The following COL4A2 variants were observed in gnomAD, a reference collection of about 807,000 sequenced individuals.
COL4A2 encodes the protein collagen alpha-2(IV) chain.
Under a neutral mutation model 200.2 loss-of-function variants are expected in COL4A2, and 99 were observed. The ratio of observed to expected loss-of-function variants is 0.49; its 90% CI spans 0.42 to 0.58. COL4A2 has a LOEUF of 0.58. Ranked by LOEUF, COL4A2 falls within the 20% of genes least tolerant of loss-of-function variation. COL4A2 has a pLI of 0.00. For synonymous variants in COL4A2, 897 were observed against 900.6 expected, an observed-to-expected ratio of 1.00 and a Z score of 0.07; for missense variants, 1,950 against 2,314.1, an observed-to-expected ratio of 0.84 and a Z score of 3.23.
chr13:110,431,134 C>T lies in COL4A2; in HGVS notation c.648+527C>T, dbSNP rs190917375. 4.5e-4 allele frequency among the ~76,000 whole-genome samples: 69 copies of T among 152,234 alleles called. 1 individual carries two copies. The highest frequency in any genetic ancestry group is 1.1e-3 in the Admixed American group (17 of 15,296). On this transcript the variant is annotated intron_variant, in intron 10 of 47. Coordinates refer to ENST00000360467, the MANE Select transcript of COL4A2 (RefSeq NM_001846.4). ...TTGTGTAGCTCTCTGGCCACTCCCA[C>T]CACTGCACAATGAGCTGGAAGGTGG...
intron 11 of COL4A2, 40 bp downstream of exon 11, chr13:110,432,400 A>T: frequency 6.4e-7 from 1 of 1,572,874 alleles, no homozygotes; most frequent in East Asian, 2.3e-5. Flanking sequence ...GGAAGGGGGT[A>T]CTTAGGTGTT....
intron 31 of COL4A2, 98 bp downstream of exon 31, chr13:110,480,488 G>T: frequency 7.6e-7 from 1 of 1,311,660 alleles, no homozygotes; most frequent in Non-Finnish European, 1.0e-6. Context: ...TGTGGGCCGT[G>T]GGGCTGGCCT....
intron 3 of COL4A2, among the ~76,000 whole-genome samples, chr13:110,308,628 T>G (rs1416425537): frequency 1.3e-5 from 2 of 152,028 alleles, no homozygotes; most frequent in Non-Finnish European, 2.9e-5. Context: ...AATTGAAGCA[T>G]TGCGAGGGAA....
In COL4A2 at chr13:110,466,949, A is replaced by G. The variant is rs3803232; in HGVS notation, c.2039-91A>G. 891,382 of 1,537,950 alleles carry G rather than the reference A, an allele frequency of 0.58. 264,538 individuals are homozygous for G. The highest frequency in any genetic ancestry group is 0.71 in the African/African-American group (52,196 of 73,050). ...TCCCAGAATGGTAGCCGGTTTGCAC[A>G]GCTCGTGCTTTTGCCCTTGGGGATC... On this transcript the variant is annotated intron_variant, in intron 26 of 47. Coordinates refer to ENST00000360467, the MANE Select transcript of COL4A2 (RefSeq NM_001846.4).
At chr13:110,357,954 C>T (rs557009974) in intron 4 of COL4A2, among the ~76,000 whole-genome samples, 1 of 152,158 alleles carries the variant, frequency 6.6e-6, no homozygotes, top group South Asian at 2.1e-4. Flanking sequence ...GGGGCGTGAC[C>T]GCGCACCACT....
At chr13:110,448,062 A>G (rs541717512) in intron 18 of COL4A2, among the ~76,000 whole-genome samples, 159 of 152,290 alleles carry the variant, frequency 1.0e-3, no homozygotes, top group Middle Eastern at 3.4e-3. Context: ...ATCCATGCTC[A>G]GCTTCCATGA....
intron 3 of COL4A2, among the ~76,000 whole-genome samples, chr13:110,337,479 C>G (rs2139368050): frequency 6.6e-6 from 1 of 152,296 alleles, no homozygotes; most frequent in South Asian, 2.1e-4. Flanking sequence ...GCAGCATGGG[C>G]AGGAAGCTCC....
chr13:110,501,543 A>C, intron 40 of COL4A2, 125 bp from the exon 41 acceptor site: 29 of 728,878 alleles, frequency 4.0e-5, no homozygotes, highest in East Asian at 1.5e-4. Flanking sequence ...GCCTGAGGGC[A>C]CCTCCCATCA....
At position 110,432,556 on chromosome 13, in the gene COL4A2, G is replaced by T. The variant is rs74124324; in HGVS notation, c.684+196G>T. Among the ~76,000 whole-genome samples, 4,339 of 152,184 alleles carry T rather than the reference G, an allele frequency of 0.029. 209 individuals carry two copies. Among genetic ancestry groups the T allele is most frequent in the African/African-American group, 0.1 (4,191 of 41,452 alleles). On this transcript the variant is annotated intron_variant, in intron 11 of 47. Transcript: ENST00000360467. The stretch of plus-strand genomic sequence containing the variant: ...CATGGTGCCTCTGGACATTAAAAAA[G>T]TAAACAGGTGGAATGATTTGTTGTT...
chr13:110,462,217 G>A, intron 23 of COL4A2, 31 bp downstream of exon 23: 1 of 1,614,244 alleles, frequency 6.2e-7, no homozygotes, highest in Non-Finnish European at 8.5e-7. Flanking sequence ...GCGGCCCCTG[G>A]GGCACTGAGC....
intron 4 of COL4A2, among the ~76,000 whole-genome samples, chr13:110,388,441 C>T (rs1878853175): frequency 6.6e-6 from 1 of 152,184 alleles, no homozygotes; most frequent in Non-Finnish European, 1.5e-5. Context: ...TATTTTTACT[C>T]GTTGAACGAA....
intron 40 of COL4A2, among the ~76,000 whole-genome samples, chr13:110,499,229 C>A (rs746166183): frequency 6.6e-6 from 1 of 152,194 alleles, no homozygotes; most frequent in Non-Finnish European, 1.5e-5. Context: ...GAAGAAATAC[C>A]AGAGACTGGG....
At chr13:110,391,851 G>A (rs557442265) in intron 4 of COL4A2, among the ~76,000 whole-genome samples, 2 of 152,320 alleles carry the variant, frequency 1.3e-5, no homozygotes, top group South Asian at 4.1e-4. Flanking sequence ...GGCAGGTGTG[G>A]ACTGCTGGTT....
chr13:110,341,785 C>T (rs1199059544), intron 3 of COL4A2, among the ~76,000 whole-genome samples: 2 of 152,196 alleles, frequency 1.3e-5, no homozygotes, highest in Non-Finnish European at 2.9e-5. Context: ...GCCGACGTTT[C>T]CTGGCTTTTG....
intron 3 of COL4A2, among the ~76,000 whole-genome samples, chr13:110,338,465 G>A (rs1489533121): frequency 1.3e-5 from 2 of 151,996 alleles, no homozygotes; most frequent in African/African-American, 2.4e-5. Flanking sequence ...TGCTCCCCCT[G>A]AAGAGCACTG....
intron 3 of COL4A2, among the ~76,000 whole-genome samples, chr13:110,331,477 C>G (rs1177188752): frequency 6.6e-6 from 1 of 152,206 alleles, no homozygotes; most frequent in African/African-American, 2.4e-5. Flanking sequence ...CCCATGCAGA[C>G]TCACGCCTGA....
chr13:110,308,003 T>G (rs1243281649), intron 2 of COL4A2, 56 bp downstream of exon 2: 2 of 1,611,306 alleles, frequency 1.2e-6, no homozygotes, highest in Non-Finnish European at 1.7e-6. Context: ...CCCTTCGGTG[T>G]AACTCTCGGG....
chr13:110,428,346 C>A (rs1880544655), intron 6 of COL4A2, 121 bp from the exon 7 acceptor site: 11 of 659,130 alleles, frequency 1.7e-5, no homozygotes, highest in Non-Finnish European at 2.9e-5. Flanking sequence ...TTTGAGGTGT[C>A]TTTTCCTTGG....
chr13:110,501,638 G>A (rs377617251), intron 40 of COL4A2, 30 bp from the exon 41 acceptor site: 26 of 1,586,144 alleles, frequency 1.6e-5, no homozygotes, highest in African/African-American at 5.4e-5. Flanking sequence ...TGCTAACGCT[G>A]AAAATAATTT....
Sources: allele counts gnomAD v4.1 joint callset (sites outside exome capture counted in the v4.1 genomes callset), GRCh38; gene constraint gnomAD v4.1.1; transcripts MANE v1.5; gene names NCBI Gene and HGNC (gene_info 2026-07-23, HGNC 2026-07-21).